CEP128: variants seen among roughly 807,000 people sequenced by gnomAD.
CEP128 encodes centrosomal protein 128.
CEP128 carries 132 observed loss-of-function variants against 156.7 expected under a neutral mutation model. The ratio of observed to expected loss-of-function variants is 0.84; its 90% CI spans 0.73 to 0.97. The LOEUF is 0.97. CEP128 is among the 50% of genes least tolerant of loss of function. The pLI, the probability that CEP128 is intolerant of heterozygous loss-of-function variation, is 0.00. For synonymous variants in CEP128, 469 were observed against 448.9 expected, an observed-to-expected ratio of 1.04 and a Z score of -0.57; for missense variants, 1,252 against 1,281.9, an observed-to-expected ratio of 0.98 and a Z score of 0.36.
intron 24 of CEP128, among the ~76,000 whole-genome samples, chr14:80,504,618 T>C (rs1421102061): frequency 6.6e-6 from 1 of 152,216 alleles, no homozygotes; most frequent in Non-Finnish European, 1.5e-5. Context: ...TCTTTACTCA[T>C]TCATCCATAG....
intron 19 of CEP128, among the ~76,000 whole-genome samples, chr14:80,594,680 T>C (rs1005499500): frequency 8.5e-5 from 13 of 152,162 alleles, no homozygotes; most frequent in Non-Finnish European, 8.8e-5. Flanking sequence ...CAGACACTTC[T>C]CAAAGGAAGA....
chr14:80,508,038 C>G (rs969948382), intron 23 of CEP128, among the ~76,000 whole-genome samples: 2 of 152,312 alleles, frequency 1.3e-5, no homozygotes, highest in Admixed American at 1.3e-4. Flanking sequence ...CCTCAGCCCC[C>G]GCTAGTAGCT....
At chr14:80,670,470 T>C (rs540905094) in intron 19 of CEP128, among the ~76,000 whole-genome samples, 3 of 152,278 alleles carry the variant, frequency 2.0e-5, no homozygotes, top group African/African-American at 7.2e-5. Context: ...TGAAATCATG[T>C]CTTTTGCAGA....
At chr14:80,793,910 CAAATA>C (rs1011425283) in intron 13 of CEP128, among the ~76,000 whole-genome samples, 75 of 152,136 alleles carry the variant, frequency 4.9e-4, no homozygotes, top group African/African-American at 1.8e-3. Context: ...CAAGTTTATA[CAAATA>C]AAATAATCAT....
At chr14:80,596,227 C>T (rs1364197402) in intron 19 of CEP128, among the ~76,000 whole-genome samples, 1 of 151,954 alleles carries the variant, frequency 6.6e-6, no homozygotes, top group Non-Finnish European at 1.5e-5. Context: ...CGATGTTATG[C>T]TATCTACAGA....
intron 19 of CEP128, among the ~76,000 whole-genome samples, chr14:80,700,921 G>A (rs1897052943): frequency 6.6e-6 from 1 of 152,110 alleles, no homozygotes; most frequent in African/African-American, 2.4e-5. Context: ...ACAGGAATAG[G>A]ATATCACATA....
chr14:80,717,989 G>GTGTA (rs1897671556), intron 19 of CEP128, among the ~76,000 whole-genome samples: 1 of 151,862 alleles, frequency 6.6e-6, no homozygotes, highest in Non-Finnish European at 1.5e-5. Context: ...TAACTTGTGT[G>GTGTA]TGTGTATGTG....
chr14:80,728,806 T>C lies in CEP128; in HGVS notation c.2806+14269A>G, dbSNP rs559176419. ...ATAACTATGTATGCAGATATCAACA[T>C]TGTAGAACATTATAAATATACTAGA... On this transcript the variant is annotated intron_variant, in intron 19 of 24. Coordinates refer to ENST00000555265, the MANE Select transcript of CEP128 (RefSeq NM_152446.5). Among the ~76,000 whole-genome samples, 4 of 152,304 alleles carry C rather than the reference T, an allele frequency of 2.6e-5. No homozygotes were observed. The South Asian group carries it at 8.3e-4, about 32-fold the overall frequency.
intron 19 of CEP128, among the ~76,000 whole-genome samples, chr14:80,617,288 T>C (rs1052772294): frequency 7.8e-6 from 1 of 127,844 alleles, no homozygotes; most frequent in Non-Finnish European, 1.6e-5. Flanking sequence ...TGGAGTGCAG[T>C]GGTGCGATCT....
chr14:80,727,793 G>A (rs560803240), intron 19 of CEP128, among the ~76,000 whole-genome samples: 1 of 152,144 alleles, frequency 6.6e-6, no homozygotes, highest in Non-Finnish European at 1.5e-5. Context: ...TTAAAGAAAT[G>A]CAAATCAAAA....
chr14:80,656,592 T>C (rs1895184269), intron 19 of CEP128, among the ~76,000 whole-genome samples: 1 of 151,804 alleles, frequency 6.6e-6, no homozygotes, highest in Non-Finnish European at 1.5e-5. Context: ...ATGTAGAAAG[T>C]TCTAAGTTGC....
chr14:80,640,740 A>G (rs565207734), intron 19 of CEP128, among the ~76,000 whole-genome samples: 1 of 152,144 alleles, frequency 6.6e-6, no homozygotes, highest in South Asian at 2.1e-4. Context: ...TATAAAAAGA[A>G]CTCCCAAATT....
At chr14:80,650,014 C>T (rs1894830775) in intron 19 of CEP128, among the ~76,000 whole-genome samples, 1 of 152,176 alleles carries the variant, frequency 6.6e-6, no homozygotes, top group East Asian at 1.9e-4. Context: ...GGCAGTATGG[C>T]CATTTTCATG....
intron 19 of CEP128, among the ~76,000 whole-genome samples, chr14:80,659,554 C>G (rs1895312295): frequency 6.6e-6 from 1 of 152,160 alleles, no homozygotes; most frequent in Non-Finnish European, 1.5e-5. Flanking sequence ...ATATCTATAA[C>G]TCCGTGGTCT....
At chr14:80,819,593 C>T (rs986723364) in intron 13 of CEP128, among the ~76,000 whole-genome samples, 2 of 152,108 alleles carry the variant, frequency 1.3e-5, no homozygotes, top group South Asian at 4.1e-4. Context: ...ATGAAGACAG[C>T]CTCATGACCT....
At chr14:80,527,485 C>T (rs1298856053) in intron 22 of CEP128, among the ~76,000 whole-genome samples, 1 of 150,790 alleles carries the variant, frequency 6.6e-6, no homozygotes, top group Non-Finnish European at 1.5e-5. Context: ...GTGGATAAAA[C>T]CATAAAAATA....
chr14:80,558,594 TGTATTTTTA>T (rs1417648543), intron 21 of CEP128, among the ~76,000 whole-genome samples: 3 of 151,008 alleles, frequency 2.0e-5, no homozygotes, highest in African/African-American at 7.3e-5. Flanking sequence ...GGCCAATTTT[TGTATTTTTA>T]GTAGAGACGG....
chr14:80,903,171 C>T (rs1205371821), intron 6 of CEP128, among the ~76,000 whole-genome samples: 5 of 151,928 alleles, frequency 3.3e-5, no homozygotes, highest in Admixed American at 1.3e-4. Context: ...CATCAATCTA[C>T]GAACAGAGGA....
intron 15 of CEP128, among the ~76,000 whole-genome samples, chr14:80,780,703 A>T (rs1595387907): frequency 6.6e-6 from 1 of 152,238 alleles, no homozygotes; most frequent in East Asian, 1.9e-4. Context: ...CCCACATTAC[A>T]TGGAGAAATC....
Sources: gnomAD v4.1 joint callset for allele counts (sites outside exome capture counted in the v4.1 genomes callset) on GRCh38, gnomAD v4.1.1 for gene constraint, MANE v1.5 for transcripts, NCBI Gene and HGNC (gene_info 2026-07-23, HGNC 2026-07-21) for gene names.